Variants in CNNM2 observed in about 807,000 individuals in gnomAD.
CNNM2 encodes metal transporter CNNM2.
Under a neutral mutation model 66.9 loss-of-function variants are expected in CNNM2, and 12 were observed. The ratio of observed to expected loss-of-function variants is 0.18; its 90% CI spans 0.11 to 0.29. The LOEUF (loss-of-function observed/expected upper bound fraction) is 0.29, where lower values mean the gene tolerates loss of function less well. Ranked by LOEUF, CNNM2 falls within the 10% of genes least tolerant of loss-of-function variation. The pLI is 1.00. For synonymous variants in CNNM2, 557 were observed against 501.8 expected, an observed-to-expected ratio of 1.11 and a Z score of -1.47; for missense variants, 705 against 1,167.7, an observed-to-expected ratio of 0.60 and a Z score of 5.77.
rs1846512755 is a variant in CNNM2 at position 102,943,794 on chromosome 10, A to G, written c.1621+23693A>G. Among the ~76,000 whole-genome samples, 3 of 152,166 alleles carry G rather than the reference A, an allele frequency of 2.0e-5. No individual in the cohort carries two copies. In the South Asian group the frequency reaches 6.2e-4, roughly 31 times the overall value. ...ATGTCTGTATGTCTGTGTGTTGTAT[A>G]TATATGTGTTTATGTCTGTACACAT... On this transcript the variant is annotated intron_variant, in intron 1 of 7. Transcript: ENST00000369878.
In CNNM2 at chr10:102,966,535, G is replaced by T. The variant is rs149798445; in HGVS notation, c.1621+46434G>T. Among the ~76,000 whole-genome samples the T allele has an allele frequency of 3.3e-5, 5 of 152,304 alleles. No individual in the cohort carries two copies. The East Asian group carries it at 9.6e-4, about 29-fold the overall frequency. ...CTAGCTACTCAGGAGGCTTAGGCAG[G>T]AGAATTGCTTGAACCTGGGAGACGG... On this transcript the variant is annotated intron_variant, in intron 1 of 7. Coordinates refer to ENST00000369878, the MANE Select transcript of CNNM2 (RefSeq NM_017649.5).
At chr10:103,055,146 A>C (rs1289085715) in intron 3 of CNNM2, among the ~76,000 whole-genome samples, 1 of 152,184 alleles carries the variant, frequency 6.6e-6, no homozygotes, top group Non-Finnish European at 1.5e-5. Flanking sequence ...GAATGGACTT[A>C]AGATACTGAC....
chr10:103,029,120 C>T (rs2064771933), intron 1 of CNNM2, among the ~76,000 whole-genome samples: 1 of 151,772 alleles, frequency 6.6e-6, no homozygotes, highest in South Asian at 2.1e-4. Context: ...CCGTGCCCGG[C>T]CCCCACTCCT....
chr10:102,919,971 C>T lies in CNNM2; in HGVS notation c.1491C>T (p.Val497=). The change falls in exon 1 of 8, where the codon GTC becomes GTT. Residue 497 remains valine (V), a synonymous_variant. Transcript: ENST00000369878. The part of the protein sequence containing the change: ...ERSNIVDLLF[V]KDLAFVDPDD... ...CCAATATCGTGGACCTGCTGTTTGT[C>T]AAAGACTTGGCCTTCGTGGATCCCG... 1.2e-6 allele frequency: 2 copies of T among 1,614,248 alleles called. No individual in the cohort carries two copies. The highest frequency in any genetic ancestry group is 1.7e-6 in the Non-Finnish European group (2 of 1,180,036).
intron 1 of CNNM2, among the ~76,000 whole-genome samples, chr10:102,975,804 A>G (rs1345881647): frequency 6.6e-6 from 1 of 152,176 alleles, no homozygotes; most frequent in Non-Finnish European, 1.5e-5. Context: ...GAGTAACAGA[A>G]GCATAGCCAA....
At chr10:103,069,825 G>A (rs936668964) in intron 5 of CNNM2, among the ~76,000 whole-genome samples, 7 of 152,248 alleles carry the variant, frequency 4.6e-5, no homozygotes, top group African/African-American at 1.7e-4. Flanking sequence ...ACCAAATGAT[G>A]TGCGGTTTTA....
intron 1 of CNNM2, among the ~76,000 whole-genome samples, chr10:102,975,722 G>A (rs550058381): frequency 1.3e-5 from 2 of 152,052 alleles, no homozygotes; most frequent in East Asian, 1.9e-4. Flanking sequence ...GATCTCTAAG[G>A]CCTCCTTCCA....
chr10:102,954,972 C>T (rs567488442), intron 1 of CNNM2, among the ~76,000 whole-genome samples: 13 of 152,206 alleles, frequency 8.5e-5, no homozygotes, highest in African/African-American at 1.2e-4. Flanking sequence ...TTTATAGATT[C>T]GATGCCATCC....
chr10:103,043,130 G>A (rs916335961), intron 1 of CNNM2, among the ~76,000 whole-genome samples: 10 of 152,246 alleles, frequency 6.6e-5, no homozygotes, highest in East Asian at 3.9e-4. Flanking sequence ...GTTGTGCAAC[G>A]CAGATGTCAT....
chr10:103,014,882 A>G (rs939723526), intron 1 of CNNM2, among the ~76,000 whole-genome samples: 1 of 150,140 alleles, frequency 6.7e-6, no homozygotes, highest in Non-Finnish European at 1.5e-5. Flanking sequence ...GCAGAGCACT[A>G]CCCTGTCTTT....
intron 4 of CNNM2, among the ~76,000 whole-genome samples, chr10:103,065,622 C>T (rs2065463162): frequency 6.6e-6 from 1 of 152,206 alleles, no homozygotes; most frequent in African/African-American, 2.4e-5. Context: ...ACTTGTACAA[C>T]AAATGCTCCA....
chr10:103,015,287 A>T (rs926334717), intron 1 of CNNM2, among the ~76,000 whole-genome samples: 2 of 152,156 alleles, frequency 1.3e-5, no homozygotes, highest in Non-Finnish European at 2.9e-5. Context: ...AAGCTCTTTC[A>T]TAGTGGTGGG....
chr10:102,967,408 A>G (rs1461726305), intron 1 of CNNM2, among the ~76,000 whole-genome samples: 1 of 152,184 alleles, frequency 6.6e-6, no homozygotes, highest in Non-Finnish European at 1.5e-5. Context: ...TGTCCCTGGA[A>G]GTTTCCTTTC....
Position 103,078,454 on chromosome 10 carries a change from T to C in CNNM2, c.*1274T>C, listed in dbSNP as rs2065724281. 6.6e-6 allele frequency: 1 copy of C among 152,254 alleles called. No homozygotes were observed. Among genetic ancestry groups the C allele is most frequent in the Admixed American group, 6.5e-5 (1 of 15,282 alleles). 9.4% of individuals were successfully genotyped at this position (152,254 alleles called of 1,614,324 possible). ...AGGCTGCCTGTACAGCCAGGGTCAG[T>C]TTGGCCCCAAACAGGGATTCAGAAA... On this transcript the variant is annotated 3_prime_UTR_variant, in exon 8 of 8. Coordinates refer to ENST00000369878, the MANE Select transcript of CNNM2 (RefSeq NM_017649.5).
chr10:102,995,179 CTCCTCCTCCCCCTCTTCCTCCT>C (rs2063971719), intron 1 of CNNM2, among the ~76,000 whole-genome samples: 1 of 117,844 alleles, frequency 8.5e-6, no homozygotes, highest in Admixed American at 8.8e-5. Flanking sequence ...CCCCCTCTTC[CTCCTCCTCCCCCTCTTCCTCCT>C]CCTTCCTCTT....
At chr10:103,014,496 T>G (rs1461905327) in intron 1 of CNNM2, among the ~76,000 whole-genome samples, 1 of 152,168 alleles carries the variant, frequency 6.6e-6, no homozygotes, top group Non-Finnish European at 1.5e-5. Flanking sequence ...GGTGAGAATT[T>G]GGAGCAAAGC....
intron 1 of CNNM2, among the ~76,000 whole-genome samples, chr10:103,041,227 C>A (rs1354922859): frequency 1.3e-5 from 2 of 152,216 alleles, no homozygotes; most frequent in African/African-American, 2.4e-5. Flanking sequence ...AACACCCTGA[C>A]TCCCACCGGC....
intron 1 of CNNM2, among the ~76,000 whole-genome samples, chr10:102,995,668 A>G (rs1055526221): frequency 1.3e-5 from 2 of 152,120 alleles, no homozygotes; most frequent in Non-Finnish European, 2.9e-5. Flanking sequence ...AGCTTATTAA[A>G]AATGTGTTAC....
intron 1 of CNNM2, 60 bp from the exon 2 acceptor site, chr10:103,049,647 A>G: frequency 6.6e-7 from 1 of 1,513,930 alleles, no homozygotes; most frequent in Non-Finnish European, 9.1e-7. Flanking sequence ...CATATCACAT[A>G]TAACATGTCA....
Sources: allele counts gnomAD v4.1 joint callset (sites outside exome capture counted in the v4.1 genomes callset), GRCh38; gene constraint gnomAD v4.1.1; transcripts MANE v1.5; gene names NCBI Gene and HGNC (gene_info 2026-07-23, HGNC 2026-07-21).